Variants in XIRP2 observed in about 807,000 individuals in gnomAD.
XIRP2 encodes xin actin binding repeat containing 2.
Under a neutral mutation model 277.0 loss-of-function variants are expected in XIRP2, and 236 were observed. That is an observed-to-expected ratio of 0.85 (90% CI 0.77 to 0.95). XIRP2 has a LOEUF of 0.95. Ranked by LOEUF, XIRP2 falls within the 40% of genes least tolerant of loss-of-function variation. The probability of loss-of-function intolerance (pLI) is 0.00; values close to 1 mark genes in which losing one functional copy is unlikely to be tolerated. For missense variants in XIRP2, 4,640 were observed against 4,157.5 expected (o/e 1.12, Z -3.19); for synonymous variants, 1,490 against 1,416.5 (o/e 1.05, Z -1.17).
At chr2:167,035,395 G>A (rs1688482815) in intron 2 of XIRP2, among the ~76,000 whole-genome samples, 1 of 152,184 alleles carries the variant, frequency 6.6e-6, no homozygotes, top group Admixed American at 6.5e-5. Flanking sequence ...GGTCTCAGAT[G>A]GAGATAAAGA....
chr2:167,252,970 CA>C (rs1235289926), intron 9 of XIRP2, among the ~76,000 whole-genome samples: 1 of 151,808 alleles, frequency 6.6e-6, no homozygotes, highest in Admixed American at 6.6e-5. Flanking sequence ...TAAGATAGCT[CA>C]AAAACACATA....
intron 2 of XIRP2, among the ~76,000 whole-genome samples, chr2:166,955,632 T>C (rs1202318665): frequency 6.6e-6 from 1 of 151,860 alleles, no homozygotes; most frequent in African/African-American, 2.4e-5. Flanking sequence ...GTTTGAATAG[T>C]TGCCGTTTTA....
At chr2:166,974,856 T>C (rs1391280635) in intron 2 of XIRP2, among the ~76,000 whole-genome samples, 1 of 152,052 alleles carries the variant, frequency 6.6e-6, no homozygotes, top group East Asian at 1.9e-4. Flanking sequence ...TAGATAAATG[T>C]AAAAAGCAAG....
chr2:167,027,161 C>A lies in XIRP2; in HGVS notation c.409-108748C>A, dbSNP rs555132586. ...TACACCAATCAGACCTAGATTTGGT[C>A]TTTTCACATAGTCCTATATTTCTTG... On this transcript the variant is annotated intron_variant, in intron 2 of 10. Coordinates refer to ENST00000409195, the MANE Select transcript of XIRP2 (RefSeq NM_152381.6). 8.9e-4 allele frequency among the ~76,000 whole-genome samples: 135 copies of A among 152,294 alleles called. No homozygotes were observed. The South Asian group carries it at 0.015, about 17-fold the overall frequency.
At chr2:167,212,213 C>CTATA (rs1260633624) in intron 4 of XIRP2, among the ~76,000 whole-genome samples, 4 of 152,176 alleles carry the variant, frequency 2.6e-5, no homozygotes, top group Admixed American at 6.5e-5. Context: ...AACAGTGGCA[C>CTATA]TATAGTACCT....
chr2:167,195,192 T>A (rs558028325), intron 3 of XIRP2, among the ~76,000 whole-genome samples: 1 of 152,350 alleles, frequency 6.6e-6, no homozygotes, highest in Non-Finnish European at 1.5e-5. Flanking sequence ...ACCCCCTTCT[T>A]GTTATAATTG....
At chr2:167,214,093 A>AGAAGGAAGGAAGGAAGGAAG (rs776926324) in intron 4 of XIRP2, among the ~76,000 whole-genome samples, 758 of 64,316 alleles carry the variant, frequency 0.012, 25 homozygotes, top group Non-Finnish European at 0.015. Flanking sequence ...GAAGAAAGAA[A>AGAAGGAAGGAAGGAAGGAAG]GAAGGAAGGA....
At chr2:167,235,438 A>G (rs1694872768) in intron 5 of XIRP2, among the ~76,000 whole-genome samples, 1 of 151,934 alleles carries the variant, frequency 6.6e-6, no homozygotes, top group Non-Finnish European at 1.5e-5. Context: ...TTTTCACACT[A>G]CTAAAAAAAA....
chr2:167,152,703 G>A (rs1309356692), intron 3 of XIRP2, among the ~76,000 whole-genome samples: 1 of 152,006 alleles, frequency 6.6e-6, no homozygotes, highest in Admixed American at 6.6e-5. Flanking sequence ...CAGAAAAACA[G>A]TATAACAAAA....
At chr2:167,194,272 G>T (rs933505017) in intron 3 of XIRP2, among the ~76,000 whole-genome samples, 3 of 151,796 alleles carry the variant, frequency 2.0e-5, no homozygotes, top group African/African-American at 7.3e-5. Flanking sequence ...GTAGAGACGA[G>T]GTTTCACCAT....
intron 1 of XIRP2, among the ~76,000 whole-genome samples, chr2:166,894,139 C>T (rs556703148): frequency 1.1e-4 from 17 of 152,192 alleles, no homozygotes; most frequent in South Asian, 1.0e-3. Context: ...TAGACATAAA[C>T]TCAAAGTTAC....
chr2:167,094,433 G>A (rs996865401), intron 2 of XIRP2, among the ~76,000 whole-genome samples: 2 of 152,142 alleles, frequency 1.3e-5, no homozygotes, highest in East Asian at 3.9e-4. Flanking sequence ...TTCTTCTAGG[G>A]TTTTTATGGA....
At chr2:166,969,012 G>A (rs1476356253) in intron 2 of XIRP2, among the ~76,000 whole-genome samples, 2 of 151,944 alleles carry the variant, frequency 1.3e-5, no homozygotes, top group East Asian at 3.9e-4. Context: ...GTCAAGAAGA[G>A]TTTTATCAAG....
chr2:167,066,638 T>C (rs1371331164), intron 2 of XIRP2, among the ~76,000 whole-genome samples: 1 of 152,036 alleles, frequency 6.6e-6, no homozygotes. Flanking sequence ...CCAAAATTAT[T>C]GAAATCAGGA....
chr2:166,904,674 A>T (rs1684469942), intron 2 of XIRP2, among the ~76,000 whole-genome samples: 1 of 152,140 alleles, frequency 6.6e-6, no homozygotes, highest in Non-Finnish European at 1.5e-5. Flanking sequence ...TATTTCACTC[A>T]TTAGGGCCTG....
At position 166,939,958 on chromosome 2, in the gene XIRP2, G is replaced by T. The variant is rs1045193073; in HGVS notation, c.408+36068G>T. On this transcript the variant is annotated intron_variant, in intron 2 of 10. Transcript: ENST00000409195. ...GCTTTTCTTGAGGAGAATCTTTGTG[G>T]TGTTCTCTGTATTTCCTGAATTTGA... Among the ~76,000 whole-genome samples the T allele has an allele frequency of 5.9e-5, 9 of 152,044 alleles. No homozygotes were observed. The South Asian group carries it at 1.9e-3, about 32-fold the overall frequency.
At chr2:167,036,364 T>C (rs1688506927) in intron 2 of XIRP2, among the ~76,000 whole-genome samples, 1 of 152,194 alleles carries the variant, frequency 6.6e-6, no homozygotes, top group Non-Finnish European at 1.5e-5. Flanking sequence ...CCCAAGACCA[T>C]GGGAATCCAC....
intron 3 of XIRP2, among the ~76,000 whole-genome samples, chr2:167,182,270 C>A (rs1464265803): frequency 6.6e-6 from 1 of 152,126 alleles, no homozygotes; most frequent in African/African-American, 2.4e-5. Context: ...TGTATGCTAG[C>A]TAATAATATG....
At chr2:167,186,179 C>T (rs998933152) in intron 3 of XIRP2, among the ~76,000 whole-genome samples, 10 of 152,092 alleles carry the variant, frequency 6.6e-5, no homozygotes, top group African/African-American at 2.4e-4. Context: ...TACTCAGAAG[C>T]ACAACTCTAA....
Sources: allele counts gnomAD v4.1 joint callset (sites outside exome capture counted in the v4.1 genomes callset), GRCh38; gene constraint gnomAD v4.1.1; transcripts MANE v1.5; gene names NCBI Gene and HGNC (gene_info 2026-07-23, HGNC 2026-07-21).